Variants in KRABD3 observed in about 807,000 individuals in gnomAD.
KRABD3 encodes KRAB domain-containing protein 3.
At chr7:149,729,056 TG>T in the KRABD3 span, 2 of 693,842 alleles carry the variant, frequency 2.9e-6, no homozygotes, top group Non-Finnish European at 2.2e-6. Flanking sequence ...ACATGACAGA[TG>T]GGTGTTTCCC....
the KRABD3 span, chr7:149,721,260 A>T: frequency 4.0e-6 from 5 of 1,251,948 alleles, no homozygotes; most frequent in Non-Finnish European, 4.3e-6. Context: ...TGATGACAAC[A>T]CATAGGTGGC....
the KRABD3 span, chr7:149,714,972 G>C: frequency 8.7e-7 from 1 of 1,154,874 alleles, no homozygotes; most frequent in Non-Finnish European, 1.1e-6. Flanking sequence ...CGCGGACCTG[G>C]GCCGCCGCCG....
chr7:149,720,747 G>C, the KRABD3 span: 5 of 1,300,828 alleles, frequency 3.8e-6, no homozygotes, highest in African/African-American at 1.5e-5. Flanking sequence ...GGAGGATTAC[G>C]TGAGATGCTG....
chr7:149,721,375 G>A, the KRABD3 span: 323 of 1,581,362 alleles, frequency 2.0e-4, no homozygotes, highest in Non-Finnish European at 1.8e-4. Context: ...CCTCTTTCCC[G>A]ACAGCAGCTG....
At chr7:149,724,065 G>A in the KRABD3 span, among the ~76,000 whole-genome samples, 3 of 152,174 alleles carry the variant, frequency 2.0e-5, no homozygotes, top group Non-Finnish European at 2.9e-5. Context: ...GTGTGGGAGG[G>A]GCTCGGTCAG....
the KRABD3 span, chr7:149,733,157 A>C: frequency 6.5e-7 from 1 of 1,537,238 alleles, no homozygotes; most frequent in Non-Finnish European, 8.8e-7. Context: ...TGGGGAGAGA[A>C]AGGTCCTTAC....
At chr7:149,732,610 C>CTTTT in the KRABD3 span, among the ~76,000 whole-genome samples, 13 of 151,286 alleles carry the variant, frequency 8.6e-5, no homozygotes, top group East Asian at 1.9e-4. This position sits in a 1 kb window ranked among gnomAD's most constrained non-coding sequence, Gnocchi z 4.0. Context: ...ATTAGGTGAT[C>CTTTT]TTTTTTTAAA....
At chr7:149,720,868 C>T in the KRABD3 span, 5 of 1,603,412 alleles carry the variant, frequency 3.1e-6, no homozygotes, top group Non-Finnish European at 4.3e-6. Flanking sequence ...CACCTCACAG[C>T]CCTGGTGCAG....
the KRABD3 span, chr7:149,729,361 C>A: frequency 6.7e-7 from 1 of 1,502,358 alleles, no homozygotes; most frequent in African/African-American, 1.4e-5. Flanking sequence ...GTGGAGGTGG[C>A]TCCCAGAGGG....
At chr7:149,721,445 A>G in the KRABD3 span, 50 of 1,612,702 alleles carry the variant, frequency 3.1e-5, no homozygotes, top group Non-Finnish European at 3.8e-5. Flanking sequence ...CGGCCCTACC[A>G]GCCAGCCCCA....
the KRABD3 span, chr7:149,715,072 G>A: frequency 8.1e-7 from 1 of 1,230,554 alleles, no homozygotes; most frequent in African/African-American, 1.6e-5. Context: ...GCCAGGTAAG[G>A]CAGGCGGACG....
the KRABD3 span, chr7:149,722,969 G>C: frequency 2.6e-4 from 410 of 1,554,932 alleles, 3 homozygotes; most frequent in African/African-American, 5.3e-3. Context: ...GAGTTCTGGG[G>C]CCTCAGGCTG....
chr7:149,721,088 C>T, the KRABD3 span: 1 of 1,461,970 alleles, frequency 6.8e-7, no homozygotes, highest in East Asian at 2.4e-5. Flanking sequence ...CTTGCAGGCA[C>T]AGGCCGGGAG....
the KRABD3 span, chr7:149,734,034 G>C: frequency 6.2e-7 from 1 of 1,605,338 alleles, no homozygotes; most frequent in Non-Finnish European, 8.5e-7. Flanking sequence ...GACCCGAGAT[G>C]GGGGGCGCAT....
chr7:149,725,920 T>G, the KRABD3 span: 23 of 1,597,324 alleles, frequency 1.4e-5, no homozygotes, highest in South Asian at 2.4e-4. Flanking sequence ...CCTCTGGGTC[T>G]GCAGAGCTGT....
the KRABD3 span, among the ~76,000 whole-genome samples, chr7:149,732,237 G>T: frequency 6.6e-6 from 1 of 152,286 alleles, no homozygotes; most frequent in Non-Finnish European, 1.5e-5. The surrounding 1 kb of genome is among the most constrained non-coding windows in gnomAD (Gnocchi z 4.0). Context: ...CAGGGTGTTG[G>T]CTTCTGTCCA....
the KRABD3 span, chr7:149,729,310 C>G: frequency 5.0e-6 from 8 of 1,600,198 alleles, no homozygotes; most frequent in East Asian, 2.3e-5. Flanking sequence ...CGCCTGCCAC[C>G]AGCGGGGGTT....
At chr7:149,722,657 C>A in the KRABD3 span, 2 of 1,480,122 alleles carry the variant, frequency 1.4e-6, no homozygotes, top group Non-Finnish European at 1.8e-6. Context: ...GCAGCTCCAC[C>A]GGGCAGGCCT....
chr7:149,722,291 G>T, the KRABD3 span: 2 of 1,245,104 alleles, frequency 1.6e-6, no homozygotes, highest in South Asian at 1.4e-5. Flanking sequence ...AACGGTAAAG[G>T]CCCTCAGCCC....
Sources: gnomAD v4.1 joint callset for allele counts (sites outside exome capture counted in the v4.1 genomes callset) on GRCh38, gnomAD v4.1.1 for gene constraint, Gnocchi (gnomAD v3.1) non-coding constraint, MANE v1.5 for transcripts, NCBI Gene and HGNC (gene_info 2026-07-23, HGNC 2026-07-21) for gene names.